Variants in PRKAR2A observed in about 807,000 individuals in gnomAD.
PRKAR2A encodes the protein protein kinase cAMP-dependent type II regulatory subunit alpha.
Under a neutral mutation model 51.9 loss-of-function variants are expected in PRKAR2A, and 29 were observed. The observed-to-expected ratio is 0.56, with a 90% CI of 0.42 to 0.76. The LOEUF is 0.76. Among genes scored for constraint, PRKAR2A ranks in the 30% least tolerant of loss-of-function variants. The pLI, the probability that PRKAR2A is intolerant of heterozygous loss-of-function variation, is 0.00. For synonymous variants in PRKAR2A, 178 were observed against 186.2 expected (o/e 0.96, Z 0.36); for missense variants, 445 against 512.1 (o/e 0.87, Z 1.26).
At chr3:48,767,783 G>A (rs761649630) in intron 6 of PRKAR2A, among the ~76,000 whole-genome samples, 64 of 151,622 alleles carry the variant, frequency 4.2e-4, no homozygotes, top group Non-Finnish European at 7.5e-4. Flanking sequence ...AATTAGCTGG[G>A]CATGGCGGCA....
At chr3:48,829,847 G>GTGTATATATATATATATATA (rs777532795) in intron 1 of PRKAR2A, among the ~76,000 whole-genome samples, 4 of 63,756 alleles carry the variant, frequency 6.3e-5, no homozygotes, top group Non-Finnish European at 1.1e-4. Flanking sequence ...ATGCGTGTGT[G>GTGTATATATATATATATATA]TATATATATA....
intron 4 of PRKAR2A, among the ~76,000 whole-genome samples, chr3:48,787,121 C>G (rs1049846849): frequency 3.9e-5 from 6 of 151,938 alleles, no homozygotes; most frequent in African/African-American, 4.8e-5. Flanking sequence ...ACTGGATCCT[C>G]TACCAGAAAA....
chr3:48,819,461 A>G (rs1162372410), intron 1 of PRKAR2A, among the ~76,000 whole-genome samples: 1 of 152,230 alleles, frequency 6.6e-6, no homozygotes, highest in African/African-American at 2.4e-5. Context: ...GACTCAGAGA[A>G]TTGTACCCAA....
At chr3:48,775,873 C>T (rs1007509714) in intron 5 of PRKAR2A, among the ~76,000 whole-genome samples, 2 of 151,994 alleles carry the variant, frequency 1.3e-5, no homozygotes, top group African/African-American at 4.8e-5. Context: ...TTTGGGAGGC[C>T]GAGGTGAGTG....
At chr3:48,811,195 T>G (rs2082764810) in intron 1 of PRKAR2A, among the ~76,000 whole-genome samples, 1 of 151,272 alleles carries the variant, frequency 6.6e-6, no homozygotes, top group Admixed American at 6.6e-5. Flanking sequence ...CTTTAAAAAT[T>G]AAAAAAAATG....
At chr3:48,760,929 G>C (rs966275562) in intron 8 of PRKAR2A, among the ~76,000 whole-genome samples, 1 of 151,942 alleles carries the variant, frequency 6.6e-6, no homozygotes, top group Admixed American at 6.6e-5. Flanking sequence ...CAAGGCTGCA[G>C]TGAGCTATGA....
At chr3:48,826,074 G>T (rs2083058616) in intron 1 of PRKAR2A, among the ~76,000 whole-genome samples, 1 of 152,134 alleles carries the variant, frequency 6.6e-6, no homozygotes, top group African/African-American at 2.4e-5. Flanking sequence ...ATCGGCCCGG[G>T]CAACATAGAG....
At chr3:48,845,798 T>C (rs1026096123) in intron 1 of PRKAR2A, among the ~76,000 whole-genome samples, 1 of 152,004 alleles carries the variant, frequency 6.6e-6, no homozygotes, top group Non-Finnish European at 1.5e-5. Context: ...CACTTAAAAT[T>C]AGTAAGGCAT....
chr3:48,769,487 T>G (rs2081995013), intron 6 of PRKAR2A, among the ~76,000 whole-genome samples: 1 of 151,930 alleles, frequency 6.6e-6, no homozygotes, highest in Middle Eastern at 3.2e-3. Context: ...CGACTTTTTT[T>G]TTTTTTGAGA....
intron 5 of PRKAR2A, among the ~76,000 whole-genome samples, chr3:48,778,792 A>G (rs531691980): frequency 6.8e-6 from 1 of 147,594 alleles, no homozygotes; most frequent in Non-Finnish European, 1.5e-5. Context: ...CGCTGGGATT[A>G]CAGGCGTGAG....
At chr3:48,829,646 G>T (rs1170098705) in intron 1 of PRKAR2A, among the ~76,000 whole-genome samples, 1 of 135,718 alleles carries the variant, frequency 7.4e-6, no homozygotes, top group Non-Finnish European at 1.5e-5. Context: ...ACATAAATGT[G>T]TGTGTGTATA....
chr3:48,755,982 G>A (rs376700591), intron 9 of PRKAR2A, among the ~76,000 whole-genome samples: 7 of 151,804 alleles, frequency 4.6e-5, no homozygotes, highest in South Asian at 2.1e-4. Flanking sequence ...GGGTTTCACC[G>A]TGTTAGCCAG....
At chr3:48,786,841 G>A (rs576742465) in intron 4 of PRKAR2A, among the ~76,000 whole-genome samples, 13 of 152,162 alleles carry the variant, frequency 8.5e-5, no homozygotes, top group African/African-American at 2.9e-4. Flanking sequence ...TAACATTGCT[G>A]GCAATAAGAC....
intron 1 of PRKAR2A, among the ~76,000 whole-genome samples, chr3:48,835,896 A>C (rs1214447158): frequency 6.6e-6 from 1 of 152,184 alleles, no homozygotes. Flanking sequence ...TATCTATAGT[A>C]ATCAAGACAA....
chr3:48,772,162 GTTTAAGTT>G (rs772866416), intron 6 of PRKAR2A, among the ~76,000 whole-genome samples: 1 of 152,124 alleles, frequency 6.6e-6, no homozygotes, highest in Non-Finnish European at 1.5e-5. Flanking sequence ...TTGTGTGTGT[GTTTAAGTT>G]TTTAAGTGAG....
Position 48,836,397 on chromosome 3 carries a change from G to A in PRKAR2A, c.262+10938C>T, listed in dbSNP as rs1200268650. ...TTGTGCCATTGTGCACTCCAGCCTG[G>A]GCGACAGTGCGAGACTCCGTCTAAA... On this transcript the variant is annotated intron_variant, in intron 1 of 10. Transcript: ENST00000265563. 2.7e-5 allele frequency among the ~76,000 whole-genome samples: 3 copies of A among 111,918 alleles called. 1 individual carries two copies. Among genetic ancestry groups the A allele is most frequent in the African/African-American group, 1.0e-4 (3 of 28,898 alleles). The allele number at this position is 111,918 out of a possible 152,430, so 73.4% of individuals were successfully genotyped here.
intron 1 of PRKAR2A, among the ~76,000 whole-genome samples, chr3:48,828,597 C>T (rs2083109625): frequency 6.6e-6 from 1 of 150,958 alleles, no homozygotes; most frequent in Admixed American, 6.7e-5. Context: ...TGGCCAGCGC[C>T]TCTGGTCCCA....
intron 2 of PRKAR2A, among the ~76,000 whole-genome samples, chr3:48,798,463 G>A (rs1030540275): frequency 6.6e-6 from 1 of 151,848 alleles, no homozygotes; most frequent in African/African-American, 2.4e-5. Context: ...CTTGTCCAAT[G>A]AATACATCAA....
intron 6 of PRKAR2A, among the ~76,000 whole-genome samples, chr3:48,769,679 G>A (rs752130437): frequency 3.9e-5 from 6 of 151,908 alleles, no homozygotes; most frequent in Non-Finnish European, 7.4e-5. Flanking sequence ...GTTTCTCCAT[G>A]TTTGTCAGGC....
Sources: gnomAD v4.1 joint callset for allele counts (sites outside exome capture counted in the v4.1 genomes callset) on GRCh38, gnomAD v4.1.1 for gene constraint, MANE v1.5 for transcripts, NCBI Gene and HGNC (gene_info 2026-07-23, HGNC 2026-07-21) for gene names.